Variants in FAM219A observed in about 807,000 individuals in gnomAD.
FAM219A encodes family with sequence similarity 219 member A.
In FAM219A, 7 loss-of-function variants were observed where a neutral mutation model predicts 23.4. The observed-to-expected ratio is 0.30, with a 90% CI of 0.17 to 0.56. FAM219A has a LOEUF of 0.56. FAM219A is among the 20% of genes least tolerant of loss of function. FAM219A has a pLI of 0.92. For synonymous variants in FAM219A, 93 were observed against 99.0 expected (o/e 0.94, Z 0.36); for missense variants, 166 against 246.9 (o/e 0.67, Z 2.20).
rs371984739 is a variant in FAM219A at position 34,400,944 on chromosome 9, G to A, written c.*20C>T. ...CGGCCCTTGGCGGCCCCGCCCCGGC[G>A]ACCGCAGTGGCCCCGCCCGCTACTG... On this transcript the variant is annotated 3_prime_UTR_variant, in exon 6 of 6. Transcript: ENST00000651358. The A allele has an allele frequency of 3.4e-5, 51 of 1,509,820 alleles. No individual in the cohort carries two copies. Among genetic ancestry groups the A allele is most frequent in the Non-Finnish European group, 4.4e-5 (49 of 1,125,250 alleles). The allele number at this position is 1,509,820 out of a possible 1,614,324, so 93.5% of individuals were successfully genotyped here. A position where few individuals can be genotyped will look rare whatever the true frequency, so the allele number is the denominator to read the frequency against.
chr9:34,416,089 T>C (rs765874111), intron 1 of FAM219A, among the ~76,000 whole-genome samples: 2 of 151,642 alleles, frequency 1.3e-5, no homozygotes, highest in African/African-American at 2.4e-5. Context: ...AGTGGGAGGA[T>C]TGCCTGAGCC....
chr9:34,428,133 G>A (rs1049981633), intron 1 of FAM219A, among the ~76,000 whole-genome samples: 9 of 152,234 alleles, frequency 5.9e-5, no homozygotes, highest in Admixed American at 2.6e-4. Context: ...ACTCTTTGGA[G>A]GGAGATAGGA....
intron 1 of FAM219A, among the ~76,000 whole-genome samples, chr9:34,440,614 G>T (rs939201824): frequency 6.6e-6 from 1 of 152,038 alleles, no homozygotes; most frequent in Non-Finnish European, 1.5e-5. Flanking sequence ...ACTTTGGAAG[G>T]CCGAGGCGGG....
At chr9:34,438,303 TC>T (rs1823005558) in intron 1 of FAM219A, among the ~76,000 whole-genome samples, 1 of 152,058 alleles carries the variant, frequency 6.6e-6, no homozygotes, top group African/African-American at 2.4e-5. Flanking sequence ...CCCAGTCCCA[TC>T]GACCACACAA....
At chr9:34,412,276 TG>T (rs1312734940) in intron 1 of FAM219A, among the ~76,000 whole-genome samples, 2 of 152,066 alleles carry the variant, frequency 1.3e-5, no homozygotes, top group African/African-American at 4.8e-5. Flanking sequence ...GAAAGGAAGA[TG>T]TCAAAAAACA....
intron 1 of FAM219A, among the ~76,000 whole-genome samples, chr9:34,442,310 CT>C (rs1823206173): frequency 6.6e-6 from 1 of 152,176 alleles, no homozygotes; most frequent in Non-Finnish European, 1.5e-5. Flanking sequence ...AAGGACTGAA[CT>C]TTTTATTTGT....
intron 1 of FAM219A, among the ~76,000 whole-genome samples, chr9:34,412,698 G>A (rs936772511): frequency 6.6e-6 from 1 of 152,114 alleles, no homozygotes; most frequent in Non-Finnish European, 1.5e-5. Flanking sequence ...AGGAATAAGA[G>A]TAGAACTAGG....
intron 1 of FAM219A, among the ~76,000 whole-genome samples, chr9:34,456,692 CA>C (rs1333058804): frequency 2.6e-5 from 4 of 152,330 alleles, no homozygotes; most frequent in Non-Finnish European, 4.4e-5. Context: ...GACTTCTCTC[CA>C]GGATTTTCTG....
intron 1 of FAM219A, among the ~76,000 whole-genome samples, chr9:34,424,993 A>G (rs528072321): frequency 6.6e-6 from 1 of 152,022 alleles, no homozygotes; most frequent in East Asian, 2.0e-4. Flanking sequence ...TTTGGTAGAG[A>G]TGGGGTTTTG....
At chr9:34,425,455 G>A (rs921984920) in intron 1 of FAM219A, among the ~76,000 whole-genome samples, 3 of 152,152 alleles carry the variant, frequency 2.0e-5, no homozygotes, top group Non-Finnish European at 4.4e-5. Flanking sequence ...ACTCCAGCCT[G>A]GGCAACAAGA....
At chr9:34,411,690 A>AAAG (rs1554676395) in intron 1 of FAM219A, among the ~76,000 whole-genome samples, 4 of 106,596 alleles carry the variant, frequency 3.8e-5, no homozygotes, top group Non-Finnish European at 7.5e-5. Context: ...AAAAAAAAAA[A>AAAG]AAAGAAAGAA....
At chr9:34,433,161 T>C (rs1822777763) in intron 1 of FAM219A, among the ~76,000 whole-genome samples, 1 of 152,236 alleles carries the variant, frequency 6.6e-6, no homozygotes, top group Non-Finnish European at 1.5e-5. Flanking sequence ...TCAGTATGGA[T>C]TAATGTATAC....
chr9:34,402,283 G>A (rs1821471475), intron 4 of FAM219A, 104 bp downstream of exon 4: 2 of 1,613,934 alleles, frequency 1.2e-6, no homozygotes, highest in African/African-American at 2.7e-5. Flanking sequence ...TCTGGCTGAA[G>A]AATATCCCAA....
chr9:34,401,260 G>T (rs140571805), intron 5 of FAM219A, 138 bp from the exon 6 acceptor site: 4 of 1,089,566 alleles, frequency 3.7e-6, no homozygotes, highest in South Asian at 3.1e-5. Context: ...GGGTCTGTCT[G>T]TACCCCCAGG....
At chr9:34,416,273 GGGAA>G (rs74180565) in intron 1 of FAM219A, among the ~76,000 whole-genome samples, 1,547 of 114,170 alleles carry the variant, frequency 0.014, 42 homozygotes, top group East Asian at 0.074. Context: ...GAGGGAGGGA[GGGAA>G]GGAAGGAAGG....
chr9:34,403,015 G>T (rs980798137), intron 2 of FAM219A, among the ~76,000 whole-genome samples: 2 of 152,170 alleles, frequency 1.3e-5, no homozygotes, highest in Non-Finnish European at 2.9e-5. Flanking sequence ...GGCAAAAAGA[G>T]GAGGCTGCCC....
intron 1 of FAM219A, among the ~76,000 whole-genome samples, chr9:34,428,971 TC>T (rs1268080458): frequency 6.6e-6 from 1 of 152,210 alleles, no homozygotes; most frequent in Non-Finnish European, 1.5e-5. Context: ...ACCCATAAAT[TC>T]ATTACTACAT....
At chr9:34,423,271 G>A (rs1227350818) in intron 1 of FAM219A, among the ~76,000 whole-genome samples, 1 of 152,192 alleles carries the variant, frequency 6.6e-6, no homozygotes, top group Admixed American at 6.5e-5. Context: ...ACAGAGGTTT[G>A]TATGTGTACA....
intron 1 of FAM219A, among the ~76,000 whole-genome samples, chr9:34,430,920 C>T (rs926466016): frequency 6.6e-6 from 1 of 152,132 alleles, no homozygotes; most frequent in African/African-American, 2.4e-5. Flanking sequence ...CTTTCAGACC[C>T]GGCACAAACA....
Sources: gnomAD v4.1 joint callset for allele counts (sites outside exome capture counted in the v4.1 genomes callset) on GRCh38, gnomAD v4.1.1 for gene constraint, MANE v1.5 for transcripts, NCBI Gene and HGNC (gene_info 2026-07-23, HGNC 2026-07-21) for gene names.